Variants in BRD7 observed in about 807,000 individuals in gnomAD.
BRD7 encodes bromodomain-containing protein 7.
Under a neutral mutation model 82.1 loss-of-function variants are expected in BRD7, and 15 were observed. The ratio of observed to expected loss-of-function variants is 0.18; its 90% CI spans 0.12 to 0.28. BRD7 has a LOEUF of 0.28. Ranked by LOEUF, BRD7 falls within the 10% of genes least tolerant of loss-of-function variation. The probability of loss-of-function intolerance (pLI) is 1.00; values close to 1 mark genes in which losing one functional copy is unlikely to be tolerated. For missense variants in BRD7, 638 were observed against 779.9 expected (o/e 0.82, Z 2.17); for synonymous variants, 232 against 266.9 (o/e 0.87, Z 1.27).
chr16:50,347,629 G>A (rs1193967377), intron 5 of BRD7, among the ~76,000 whole-genome samples: 1 of 151,790 alleles, frequency 6.6e-6, no homozygotes, highest in Admixed American at 6.5e-5. Flanking sequence ...GACAAACAGA[G>A]AGCCAAATCA....
intron 5 of BRD7, 65 bp from the exon 6 acceptor site, chr16:50,340,151 T>C: frequency 1.2e-6 from 1 of 847,392 alleles, no homozygotes; most frequent in Non-Finnish European, 1.8e-6. Flanking sequence ...CACCCCCAGG[T>C]TGAAAATATA....
intron 2 of BRD7, among the ~76,000 whole-genome samples, chr16:50,355,741 G>T (rs1384405156): frequency 6.6e-6 from 1 of 152,102 alleles, no homozygotes; most frequent in African/African-American, 2.4e-5. Flanking sequence ...TCAGATAAAA[G>T]AAAAGCATCT....
intron 14 of BRD7, 108 bp downstream of exon 14, chr16:50,320,555 C>T: frequency 7.2e-7 from 1 of 1,388,532 alleles, no homozygotes; most frequent in Non-Finnish European, 1.0e-6. Flanking sequence ...CTTGGTAAGC[C>T]AAGATCTTCC....
intron 8 of BRD7, among the ~76,000 whole-genome samples, chr16:50,329,785 T>G (rs913042794): frequency 6.6e-6 from 1 of 152,064 alleles, no homozygotes. Context: ...ACAACCTGAG[T>G]AGGAATTACA....
intron 5 of BRD7, among the ~76,000 whole-genome samples, 168 bp from the exon 6 acceptor site, chr16:50,340,254 A>G (rs2037990375): frequency 1.3e-5 from 2 of 152,230 alleles, no homozygotes; most frequent in Non-Finnish European, 2.9e-5. Flanking sequence ...CTCACCAACA[A>G]AACAAATACT....
At chr16:50,363,450 T>C (rs1443890192) in intron 2 of BRD7, among the ~76,000 whole-genome samples, 1 of 152,256 alleles carries the variant, frequency 6.6e-6, no homozygotes, top group Non-Finnish European at 1.5e-5. Flanking sequence ...TGGTGTCTTG[T>C]GGAAACCAAA....
At position 50,354,912 on chromosome 16, in the gene BRD7, T is replaced by C; in HGVS notation, c.269A>G (p.Lys90Arg). 6.2e-7 allele frequency: 1 copy of C among 1,614,028 alleles called. No homozygotes were observed. The highest frequency in any genetic ancestry group is 8.5e-7 in the Non-Finnish European group (1 of 1,179,966). Residue 90 changes from lysine (K) to arginine (R), a missense_variant, in exon 3 of 17, where the codon AAG becomes AGG. Lys to Arg is a conservative substitution (Grantham distance 26, BLOSUM62 2). Around this residue, in one of 3 missense-constraint regions of BRD7, gnomAD observed 172 missense variants for 155.3 expected, o/e 1.11. Coordinates refer to ENST00000394688, the MANE Select transcript of BRD7 (RefSeq NM_013263.5). Reference sequence around the variant, plus strand: ...CTCCACCCGGTCTCGATCTCGCTTCTTTTTATCCTCCTAAATGGAACAAAG... The same window carrying C: ...CTCCACCCGGTCTCGATCTCGCTTCCTTTTATCCTCCTAAATGGAACAAAG... ...RKRRRVKEDKKKRDRDRVENE... is the reference protein window; with the variant it reads ...RKRRRVKEDKRKRDRDRVENE...
intron 11 of BRD7, 56 bp downstream of exon 11, chr16:50,325,692 G>A: frequency 4.7e-6 from 7 of 1,476,306 alleles, no homozygotes; most frequent in Non-Finnish European, 6.4e-6. Flanking sequence ...CACAAATCAT[G>A]TATGTACTTT....
Position 50,339,839 on chromosome 16 carries a change from T to C in BRD7, c.702+137A>G, listed in dbSNP as rs1490042778. 2.1e-5 allele frequency: 9 copies of C among 427,174 alleles called. No individual in the cohort carries two copies. In the Admixed American group the frequency reaches 3.0e-4, roughly 14 times the overall value. The allele number at this position is 427,174 out of a possible 1,614,324, so 26.5% of individuals were successfully genotyped here. A position where few individuals can be genotyped will look rare whatever the true frequency, so the allele number is the denominator to read the frequency against. On this transcript the variant is annotated intron_variant, in intron 6 of 16. Transcript: ENST00000394688. ...CTTTATTAAAATTTTTTTCATTTAG[T>C]ATTTTCTACTTTATTTAATATAATA...
chr16:50,368,419 G>T (rs1370607064), intron 1 of BRD7, 121 bp from the exon 2 acceptor site: 15 of 1,091,244 alleles, frequency 1.4e-5, no homozygotes, highest in Non-Finnish European at 1.8e-5. Context: ...GGCGCTCCGC[G>T]AAGCACCTGT....
intron 2 of BRD7, among the ~76,000 whole-genome samples, chr16:50,357,760 C>T (rs1188097463): frequency 6.6e-6 from 1 of 152,092 alleles, no homozygotes; most frequent in Non-Finnish European, 1.5e-5. Flanking sequence ...GCAGGTGTAC[C>T]ACTTGAGGCC....
At chr16:50,328,551 T>C in intron 9 of BRD7, 118 bp downstream of exon 9, 2 of 783,422 alleles carry the variant, frequency 2.6e-6, no homozygotes, top group Non-Finnish European at 4.0e-6. Flanking sequence ...GCTAGATCCT[T>C]TGTGCATAAT....
chr16:50,333,832 T>C (rs560400417), intron 7 of BRD7, 135 bp from the exon 8 acceptor site: 6 of 740,418 alleles, frequency 8.1e-6, no homozygotes, highest in African/African-American at 3.5e-5. Context: ...ACTTACTTCC[T>C]TGATGACCTG....
At position 50,363,660 on chromosome 16, in the gene BRD7, T is replaced by TGTGTGTGTGTGCGC. The variant is rs138025982; in HGVS notation, c.258+4429_258+4430insGCGCACACACACAC. On this transcript the variant is annotated intron_variant, in intron 2 of 16. Coordinates refer to ENST00000394688, the MANE Select transcript of BRD7 (RefSeq NM_013263.5). ...GTGTGTTTGTGTGTGTGTGTGTGTG[T>TGTGTGTGTGTGCGC]GCGCGCGCGCGCGTGCGCGTGTGCT... Among the ~76,000 whole-genome samples the TGTGTGTGTGTGCGC allele has an allele frequency of 4.3e-4, 44 of 102,504 alleles. 1 individual carries two copies. Among genetic ancestry groups the TGTGTGTGTGTGCGC allele is most frequent in the Admixed American group, 3.6e-3 (38 of 10,414 alleles). The allele number at this position is 102,504 out of a possible 152,430, so 67.2% of individuals were successfully genotyped here.
In BRD7 at chr16:50,317,518, C is replaced by CAACA. The variant is rs2036859387; in HGVS notation, c.*1689_*1692dup. ...GAATATTTGTTTTTTTCTTCAGTAA[C>CAACA]AACAGAAACCCCAGTTGGGAGTTTA... On this transcript the variant is annotated 3_prime_UTR_variant, in exon 17 of 17. Coordinates refer to ENST00000394688, the MANE Select transcript of BRD7 (RefSeq NM_013263.5). 6.6e-6 allele frequency: 1 copy of CAACA among 152,328 alleles called. No individual in the cohort carries two copies. Among genetic ancestry groups the CAACA allele is most frequent in the African/African-American group, 2.4e-5 (1 of 41,442 alleles). The allele number at this position is 152,328 out of a possible 1,614,324, so 9.4% of individuals were successfully genotyped here.
At chr16:50,346,777 C>T (rs1315220099) in intron 5 of BRD7, among the ~76,000 whole-genome samples, 1 of 151,822 alleles carries the variant, frequency 6.6e-6, no homozygotes, top group East Asian at 1.9e-4. Context: ...AATAGCCTAC[C>T]AACCAAAAAA....
chr16:50,367,835 T>C (rs2039205817), intron 2 of BRD7, among the ~76,000 whole-genome samples: 1 of 152,194 alleles, frequency 6.6e-6, no homozygotes, highest in Admixed American at 6.5e-5. Context: ...AAACCATTCT[T>C]TGAAGCAGCT....
intron 8 of BRD7, among the ~76,000 whole-genome samples, chr16:50,330,336 ACTTTTTT>A (rs1226347391): frequency 2.1e-5 from 3 of 139,764 alleles, no homozygotes; most frequent in Non-Finnish European, 3.1e-5. Flanking sequence ...AAAAGAGGAC[ACTTTTTT>A]TTTTTTTTTT....
chr16:50,364,434 A>G (rs2039058643), intron 2 of BRD7, among the ~76,000 whole-genome samples: 1 of 152,222 alleles, frequency 6.6e-6, no homozygotes, highest in African/African-American at 2.4e-5. Context: ...CTGGAAAAAA[A>G]GAATGACCCA....
Sources: gnomAD v4.1 joint callset for allele counts (sites outside exome capture counted in the v4.1 genomes callset) on GRCh38, gnomAD v4.1.1 for gene constraint, gnomAD v4.1.1 regional missense constraint, MANE v1.5 for transcripts, NCBI Gene and HGNC (gene_info 2026-07-23, HGNC 2026-07-21) for gene names.